Variants in CHD9 observed in about 807,000 individuals in gnomAD.
CHD9 encodes chromodomain helicase DNA binding protein 9.
In CHD9, 77 loss-of-function variants were observed where a neutral mutation model predicts 316.1. The observed-to-expected ratio is 0.24, with a 90% CI of 0.20 to 0.29. CHD9 has a LOEUF of 0.29. CHD9 is among the 10% of genes least tolerant of loss of function. The probability of loss-of-function intolerance (pLI) is 1.00; values close to 1 mark genes in which losing one functional copy is unlikely to be tolerated. For missense variants in CHD9, 2,763 were observed against 3,438.1 expected, an observed-to-expected ratio of 0.80 and a Z score of 4.91; for synonymous variants, 1,129 against 1,158.3, an observed-to-expected ratio of 0.97 and a Z score of 0.51.
rs184421210 is a variant in CHD9 at position 53,106,402 on chromosome 16, G to C, written c.-164-49524G>C. On this transcript the variant is annotated intron_variant, in intron 1 of 38. Coordinates refer to ENST00000447540, the MANE Select transcript of CHD9 (RefSeq NM_001308319.2). ...TGTGCTGTTTGGTGAACTCAAAGAA[G>C]CATAGTAAAAGGTATAAACACCACC... Among the ~76,000 whole-genome samples, 117 of 152,258 alleles carry C rather than the reference G, an allele frequency of 7.7e-4. 1 individual carries two copies. The highest frequency in any genetic ancestry group is 2.5e-4 in the Non-Finnish European group (17 of 68,018).
At chr16:53,255,999 T>G (rs1449873769) in intron 19 of CHD9, among the ~76,000 whole-genome samples, 1 of 152,230 alleles carries the variant, frequency 6.6e-6, no homozygotes, top group African/African-American at 2.4e-5. Flanking sequence ...CTAGAAATGG[T>G]TCTAAATGTT....
intron 26 of CHD9, 99 bp from the exon 27 acceptor site, chr16:53,287,858 C>T: frequency 1.0e-6 from 1 of 988,328 alleles, no homozygotes; most frequent in Non-Finnish European, 1.6e-6. Flanking sequence ...GTCAGTCTGA[C>T]TTTTAAAACA....
intron 1 of CHD9, among the ~76,000 whole-genome samples, chr16:53,088,068 G>C (rs2035615851): frequency 6.6e-6 from 1 of 152,056 alleles, no homozygotes; most frequent in Non-Finnish European, 1.5e-5. Flanking sequence ...TCAAATGTTA[G>C]AGCGGGACTC....
At chr16:53,200,660 A>G (rs2045378594) in intron 2 of CHD9, among the ~76,000 whole-genome samples, 1 of 152,228 alleles carries the variant, frequency 6.6e-6, no homozygotes, top group African/African-American at 2.4e-5. Context: ...ATGGGCAAGA[A>G]TCAATGAATG....
At chr16:53,247,221 G>T (rs2049714051) in intron 15 of CHD9, 72 bp from the exon 16 acceptor site, 1 of 1,044,080 alleles carries the variant, frequency 9.6e-7, no homozygotes, top group Non-Finnish European at 1.4e-6. Flanking sequence ...CACTAATTGT[G>T]ATTAAAAGGA....
At chr16:53,261,406 G>T (rs530043521) in intron 19 of CHD9, among the ~76,000 whole-genome samples, 16 of 84,470 alleles carry the variant, frequency 1.9e-4, no homozygotes, top group East Asian at 3.6e-4. Context: ...TTGTTTTCTC[G>T]CCAGGCTGGA....
intron 15 of CHD9, among the ~76,000 whole-genome samples, chr16:53,246,550 C>A (rs1414974124): frequency 7.2e-5 from 11 of 152,026 alleles, no homozygotes; most frequent in Non-Finnish European, 1.2e-4. Flanking sequence ...GATACAGTGT[C>A]ATTCTATCAC....
chr16:53,281,803 G>C (rs1328979873), intron 24 of CHD9, among the ~76,000 whole-genome samples: 1 of 152,078 alleles, frequency 6.6e-6, no homozygotes, highest in African/African-American at 2.4e-5. Flanking sequence ...CGCCCCTTCA[G>C]ATTACTCGGA....
intron 2 of CHD9, among the ~76,000 whole-genome samples, chr16:53,170,577 TCG>T (rs984355429): frequency 1.7e-5 from 2 of 115,840 alleles, no homozygotes; most frequent in East Asian, 2.8e-4. Context: ...TTTTGTAATT[TCG>T]TGTGTGTGTG....
At chr16:53,194,775 T>G (rs745539296) in intron 2 of CHD9, among the ~76,000 whole-genome samples, 2 of 152,212 alleles carry the variant, frequency 1.3e-5, no homozygotes, top group Admixed American at 6.5e-5. Context: ...CCAATAACAC[T>G]GATTAAGGTA....
intron 1 of CHD9, among the ~76,000 whole-genome samples, chr16:53,073,253 C>T (rs942900462): frequency 6.6e-6 from 1 of 152,194 alleles, no homozygotes; most frequent in African/African-American, 2.4e-5. Context: ...TGGTGACTGG[C>T]TAATTTTACT....
chr16:53,259,163 C>G (rs1408572462), intron 19 of CHD9, among the ~76,000 whole-genome samples: 3 of 152,104 alleles, frequency 2.0e-5, no homozygotes, highest in Non-Finnish European at 4.4e-5. Flanking sequence ...TTGTCACAAT[C>G]CTTGAGAATC....
intron 22 of CHD9, among the ~76,000 whole-genome samples, chr16:53,269,144 GT>G (rs1350317754): frequency 6.6e-6 from 1 of 152,018 alleles, no homozygotes; most frequent in African/African-American, 2.4e-5. Flanking sequence ...GTCCAAAATG[GT>G]TATGCCAATT....
At chr16:53,179,699 C>T (rs2043346878) in intron 2 of CHD9, among the ~76,000 whole-genome samples, 1 of 152,074 alleles carries the variant, frequency 6.6e-6, no homozygotes, top group South Asian at 2.1e-4. Context: ...GAATTCAAGA[C>T]CAGCCTGGCC....
At position 53,156,961 on chromosome 16, in the gene CHD9, C is replaced by T. The variant is rs764545311; in HGVS notation, c.872C>T (p.Ala291Val). 1.9e-6 allele frequency: 3 copies of T among 1,612,840 alleles called. No homozygotes were observed. The highest frequency in any genetic ancestry group is 1.3e-5 in the African/African-American group (1 of 75,044). Residue 291 changes from alanine to valine, a missense_variant, in exon 2 of 39, where the codon GCA (alanine) becomes GTA (valine). By Grantham distance (64) the Ala-to-Val change is moderately conservative (BLOSUM62 0). Around this residue, in one of 15 missense-constraint regions of CHD9, gnomAD observed 859 missense variants for 890.4 expected, o/e 0.96. Coordinates refer to ENST00000447540, the MANE Select transcript of CHD9 (RefSeq NM_001308319.2). Reference protein sequence around the residue: ...ISPNSLLQSSAVLASNHTNQT... With the variant: ...ISPNSLLQSSVVLASNHTNQT... ...CCAAACAGTCTACTTCAGTCCTCTG[C>T]AGTTCTTGCATCTAATCATACAAAT...
chr16:53,286,174 A>T, intron 25 of CHD9, 52 bp from the exon 26 acceptor site: 1 of 1,019,498 alleles, frequency 9.8e-7, no homozygotes, highest in Non-Finnish European at 1.5e-6. Context: ...TTATATGTAT[A>T]CACCTTTCTT....
In CHD9 at chr16:53,097,897, A is replaced by G. The variant is rs569540139; in HGVS notation, c.-165+42820A>G. Among the ~76,000 whole-genome samples the G allele has an allele frequency of 2.0e-5, 3 of 152,264 alleles. No homozygotes were observed. In the South Asian group the frequency reaches 6.2e-4, roughly 32 times the overall value. On this transcript the variant is annotated intron_variant, in intron 1 of 38. Transcript: ENST00000447540. ...CACTTTGGGAGGCCGAGATGGGTGGATGACCTTAGGTCAGGAGTTCGAGCC... is the reference window on the plus strand; with the variant it reads ...CACTTTGGGAGGCCGAGATGGGTGGGTGACCTTAGGTCAGGAGTTCGAGCC...
chr16:53,324,649 T>C lies in CHD9; in HGVS notation c.8448T>C (p.Ile2816=), dbSNP rs2057472012. ...TCACTCCAGGCCTTAATCTTCATAT[T>C]CCAACTTTGTCCCAGTCCAATACTT... The part of the protein sequence containing the change: ...MLLTPGLNLH[I]PTLSQSNTFD... The change falls in exon 39 of 39, where the codon ATT becomes ATC. Residue 2816 remains isoleucine (I), a synonymous_variant. Transcript: ENST00000447540. The C allele has an allele frequency of 6.2e-7, 1 of 1,613,610 alleles. No homozygotes were observed. The highest frequency in any genetic ancestry group is 1.3e-5 in the African/African-American group (1 of 74,904).
intron 2 of CHD9, among the ~76,000 whole-genome samples, chr16:53,159,126 T>A (rs1245781684): frequency 6.6e-6 from 1 of 151,982 alleles, no homozygotes; most frequent in Non-Finnish European, 1.5e-5. Context: ...AATACATTTT[T>A]AAAAAATTAG....
Sources: allele counts gnomAD v4.1 joint callset (sites outside exome capture counted in the v4.1 genomes callset), GRCh38; gene constraint gnomAD v4.1.1; regional missense constraint gnomAD v4.1.1; transcripts MANE v1.5; gene names NCBI Gene and HGNC (gene_info 2026-07-23, HGNC 2026-07-21).